Variants in RAVER2 observed in about 807,000 individuals in gnomAD.
The protein encoded by RAVER2 is ribonucleoprotein PTB-binding 2.
In RAVER2, 46 loss-of-function variants were observed where a neutral mutation model predicts 78.1. The ratio of observed to expected loss-of-function variants is 0.59; its 90% CI spans 0.46 to 0.75. The LOEUF (loss-of-function observed/expected upper bound fraction) is 0.75. Ranked by LOEUF, RAVER2 falls within the 30% of genes least tolerant of loss-of-function variation. RAVER2 has a pLI of 0.00. For missense variants in RAVER2, 793 were observed against 837.5 expected, an observed-to-expected ratio of 0.95 and a Z score of 0.66; for synonymous variants, 311 against 313.3, an observed-to-expected ratio of 0.99 and a Z score of 0.08.
chr1:64,814,763 A>G (rs762970773), exon 11 of RAVER2: 11 of 1,587,440 alleles, frequency 6.9e-6, no homozygotes, highest in East Asian at 4.6e-5. Context: ...TCTGGATGCA[A>G]TCTCTCAGGG....
At chr1:64,811,867 C>T (rs1398046148) in intron 9 of RAVER2, among the ~76,000 whole-genome samples, 1 of 152,148 alleles carries the variant, frequency 6.6e-6, no homozygotes, top group Non-Finnish European at 1.5e-5. Context: ...AGAATCCTTA[C>T]ACCTAACTAA....
intron 11 of RAVER2, among the ~76,000 whole-genome samples, chr1:64,819,779 C>T (rs1355606957): frequency 1.3e-5 from 2 of 152,134 alleles, no homozygotes; most frequent in Non-Finnish European, 2.9e-5. Flanking sequence ...ACAGGTTTCT[C>T]AATCTTGGTA....
At position 64,804,880 on chromosome 1, in the gene RAVER2, C is replaced by T. The variant is rs764934480; in HGVS notation, c.1296+42C>T. The T allele has an allele frequency of 6.6e-6, 10 of 1,509,118 alleles. No homozygotes were observed. In the East Asian group the frequency reaches 2.3e-4, roughly 34 times the overall value. The allele number at this position is 1,509,118 out of a possible 1,614,324, so 93.5% of individuals were successfully genotyped here. ...TTTTTCTTTTAAAATCAGTTCATTTCTTTTCTAGAATCAGGCTGTGGATCA... is the reference window on the plus strand; with the variant it reads ...TTTTTCTTTTAAAATCAGTTCATTTTTTTTCTAGAATCAGGCTGTGGATCA... On this transcript the variant is annotated intron_variant, in intron 7 of 11. Transcript: ENST00000294428.
intron 2 of RAVER2, among the ~76,000 whole-genome samples, chr1:64,773,370 T>C (rs950372255): frequency 3.9e-5 from 6 of 151,944 alleles, no homozygotes; most frequent in African/African-American, 1.5e-4. Context: ...GTGTGTGATG[T>C]TCCCCTCCCT....
intron 1 of RAVER2, among the ~76,000 whole-genome samples, chr1:64,759,419 C>A (rs1197108545): frequency 6.6e-6 from 1 of 150,832 alleles, no homozygotes; most frequent in Non-Finnish European, 1.5e-5. Context: ...TGGGGTTTCA[C>A]CGTGTTAGCC....
At chr1:64,784,948 C>T (rs1382732341) in intron 4 of RAVER2, among the ~76,000 whole-genome samples, 2 of 152,160 alleles carry the variant, frequency 1.3e-5, no homozygotes, top group Non-Finnish European at 2.9e-5. Context: ...TAATTCCCTG[C>T]GTGGTCCCAT....
chr1:64,760,502 T>C (rs746613790), intron 1 of RAVER2, among the ~76,000 whole-genome samples: 2 of 152,124 alleles, frequency 1.3e-5, no homozygotes, highest in Non-Finnish European at 2.9e-5. Context: ...TAACAAGATG[T>C]ACCAAGACCT....
chr1:64,772,438 A>T (rs1024087423), intron 2 of RAVER2, among the ~76,000 whole-genome samples: 8 of 152,160 alleles, frequency 5.3e-5, no homozygotes, highest in Admixed American at 5.2e-4. Flanking sequence ...AGCTTCTACC[A>T]TATGTCATGC....
intron 9 of RAVER2, among the ~76,000 whole-genome samples, chr1:64,810,757 T>C (rs766068535): frequency 6.6e-6 from 1 of 152,196 alleles, no homozygotes; most frequent in Admixed American, 6.5e-5. Context: ...TTTCTGCCCA[T>C]TTTAAATCAG....
At chr1:64,746,856 G>A (rs1053676200) in intron 1 of RAVER2, among the ~76,000 whole-genome samples, 1 of 152,160 alleles carries the variant, frequency 6.6e-6, no homozygotes, top group African/African-American at 2.4e-5. Context: ...AGGAGGCTTG[G>A]AAGAAGCAGA....
At chr1:64,793,628 G>A (rs971121214) in intron 5 of RAVER2, among the ~76,000 whole-genome samples, 4 of 152,092 alleles carry the variant, frequency 2.6e-5, no homozygotes, top group Non-Finnish European at 5.9e-5. Context: ...GATATGTTTT[G>A]ATGTTATGTA....
At chr1:64,833,132 C>T (rs1654224420) in exon 12 of RAVER2, 1 of 184,378 alleles carries the variant, frequency 5.4e-6, no homozygotes, top group African/African-American at 2.3e-5. Flanking sequence ...TAACCCACCC[C>T]TTCCTCCCCC....
intron 11 of RAVER2, chr1:64,816,373 T>C (rs1653757306): frequency 6.6e-6 from 1 of 152,190 alleles, no homozygotes; most frequent in Non-Finnish European, 1.5e-5. Context: ...CCTTTGACAG[T>C]CCCTGCTTCT....
chr1:64,809,056 C>G (rs2780829), intron 9 of RAVER2, among the ~76,000 whole-genome samples: 1,727 of 152,162 alleles, frequency 0.011, 39 homozygotes, highest in African/African-American at 0.039. Flanking sequence ...AAAGGGACAA[C>G]CAAACATATA....
At chr1:64,786,741 C>T (rs1276130240) in intron 4 of RAVER2, among the ~76,000 whole-genome samples, 1 of 151,790 alleles carries the variant, frequency 6.6e-6, no homozygotes, top group Non-Finnish European at 1.5e-5. Context: ...TGCAGTGAAC[C>T]GAGATCACAC....
At chr1:64,753,523 C>CTTTTTT (rs59448781) in intron 1 of RAVER2, among the ~76,000 whole-genome samples, 3 of 100,908 alleles carry the variant, frequency 3.0e-5, no homozygotes, top group Non-Finnish European at 5.5e-5. Flanking sequence ...GTATAGAATT[C>CTTTTTT]TTTTTTTTTT....
At chr1:64,755,475 G>C (rs902209207) in intron 1 of RAVER2, among the ~76,000 whole-genome samples, 5 of 152,018 alleles carry the variant, frequency 3.3e-5, no homozygotes, top group African/African-American at 1.2e-4. Flanking sequence ...GTTTGACTCT[G>C]TATTTGTACA....
intron 5 of RAVER2, among the ~76,000 whole-genome samples, chr1:64,798,478 A>ATTCC (rs754336599): frequency 2.2e-4 from 33 of 151,502 alleles, no homozygotes; most frequent in Non-Finnish European, 4.4e-4. Flanking sequence ...TTCTAGTTCT[A>ATTCC]GATCCCTGAG....
At chr1:64,767,104 G>A (rs1285246204) in intron 1 of RAVER2, among the ~76,000 whole-genome samples, 1 of 152,018 alleles carries the variant, frequency 6.6e-6, no homozygotes, top group Non-Finnish European at 1.5e-5. Context: ...TCATATCATA[G>A]AGGATTACCT....
Sources: allele counts gnomAD v4.1 joint callset (sites outside exome capture counted in the v4.1 genomes callset), GRCh38; gene constraint gnomAD v4.1.1; transcripts MANE v1.5; gene names NCBI Gene and HGNC (gene_info 2026-07-23, HGNC 2026-07-21).